ZBTB20: variants seen among roughly 807,000 people sequenced by gnomAD.
ZBTB20 encodes zinc finger and BTB domain containing 20.
ZBTB20 carries 9 observed loss-of-function variants against 56.9 expected under a neutral mutation model. That is an observed-to-expected ratio of 0.16 (90% CI 0.10 to 0.28). ZBTB20 has a LOEUF of 0.28. Among genes scored for constraint, ZBTB20 ranks in the 10% least tolerant of loss-of-function variants. ZBTB20 has a pLI of 1.00. For synonymous variants in ZBTB20, 417 were observed against 420.7 expected, an observed-to-expected ratio of 0.99 and a Z score of 0.11; for missense variants, 655 against 1,003.0, an observed-to-expected ratio of 0.65 and a Z score of 4.69.
At chr3:115,115,244 T>C (rs1380766341) in intron 1 of ZBTB20, among the ~76,000 whole-genome samples, 3 of 152,198 alleles carry the variant, frequency 2.0e-5, no homozygotes, top group Admixed American at 2.0e-4. Flanking sequence ...TGTGTAGAAG[T>C]AGTTCTGTAA....
Position 114,331,743 on chromosome 3 carries a change from G to A in ZBTB20, c.*7262C>T, listed in dbSNP as rs888552490. 3.3e-5 allele frequency: 5 copies of A among 152,142 alleles called. No individual in the cohort carries two copies. The highest frequency in any genetic ancestry group is 5.9e-5 in the Non-Finnish European group (4 of 68,030). The allele number at this position is 152,142 out of a possible 1,614,324, so 9.4% of individuals were successfully genotyped here. A position where few individuals can be genotyped will look rare whatever the true frequency, so the allele number is the denominator to read the frequency against. ...CTAAAGTCTCATCACAGATACTGAT[G>A]CACCCAACTAAGGCAACAAAGCATA... On this transcript the variant is annotated 3_prime_UTR_variant, in exon 12 of 12. Coordinates refer to ENST00000675478, the MANE Select transcript of ZBTB20 (RefSeq NM_001348800.3).
At chr3:114,843,377 A>T (rs941379724) in intron 4 of ZBTB20, among the ~76,000 whole-genome samples, 1 of 152,068 alleles carries the variant, frequency 6.6e-6, no homozygotes, top group African/African-American at 2.4e-5. Context: ...ATTTTTCAGG[A>T]CTCTAAGTTA....
intron 4 of ZBTB20, among the ~76,000 whole-genome samples, chr3:114,839,468 A>AAAGAAAGAAAGAAAGAAAGAAAGAAAGG: frequency 6.6e-6 from 1 of 150,558 alleles, no homozygotes; most frequent in African/African-American, 2.4e-5. Context: ...AGAAAGAAAG[A>AAAGAAAGAAAGAAAGAAAGAAAGAAAGG]GAGAGAGAAA....
intron 2 of ZBTB20, among the ~76,000 whole-genome samples, chr3:115,022,895 A>G (rs2080263821): frequency 6.6e-6 from 1 of 151,012 alleles, no homozygotes; most frequent in Admixed American, 6.6e-5. Flanking sequence ...TGGATATCTG[A>G]TATGTATTTT....
intron 3 of ZBTB20, among the ~76,000 whole-genome samples, chr3:114,933,918 A>C (rs1454263557): frequency 6.6e-6 from 1 of 152,164 alleles, no homozygotes; most frequent in Non-Finnish European, 1.5e-5. Context: ...TCCCAATGAG[A>C]AAATAAAGGT....
chr3:114,731,047 A>G (rs1352658883), intron 5 of ZBTB20, among the ~76,000 whole-genome samples: 1 of 152,082 alleles, frequency 6.6e-6, no homozygotes, highest in African/African-American at 2.4e-5. Context: ...TTTCATATTG[A>G]CTTGAGTATT....
intron 2 of ZBTB20, among the ~76,000 whole-genome samples, chr3:114,981,567 T>C (rs2078329444): frequency 6.6e-6 from 1 of 152,050 alleles, no homozygotes; most frequent in Non-Finnish European, 1.5e-5. Context: ...GATTAACAGA[T>C]AATAGCAAAT....
rs529960451 is a variant in ZBTB20, at chr3:114,566,914, T to G, written c.-294-66523A>C. Among the ~76,000 whole-genome samples the G allele has an allele frequency of 3.9e-5, 6 of 152,332 alleles. No homozygotes were observed. The South Asian group carries it at 1.0e-3, about 26-fold the overall frequency. ...ATTTTAAGCTAATGATAATGGTTAG[T>G]GCTGAGAACAGATGTACCTGGCTGT... On this transcript the variant is annotated intron_variant, in intron 6 of 11. Transcript: ENST00000675478.
intron 2 of ZBTB20, among the ~76,000 whole-genome samples, chr3:115,044,565 TG>T (rs2081268460): frequency 6.6e-6 from 1 of 152,224 alleles, no homozygotes. Context: ...TTGCAAAAAA[TG>T]AAATTGGTTA....
chr3:114,353,279 G>T (rs1312255829), intron 10 of ZBTB20, among the ~76,000 whole-genome samples: 1 of 152,180 alleles, frequency 6.6e-6, no homozygotes, highest in Non-Finnish European at 1.5e-5. Context: ...GTAACAGCCT[G>T]CAGATAGGAA....
rs1470283658 is a variant in ZBTB20, at chr3:114,335,748, T to C, written c.*3257A>G. On this transcript the variant is annotated 3_prime_UTR_variant, in exon 12 of 12. Coordinates refer to ENST00000675478, the MANE Select transcript of ZBTB20 (RefSeq NM_001348800.3). ...CAAACCTGGCTGGTCCATTTTGTCA[T>C]GGACTACAATGATTATATCACCTCA... The C allele has an allele frequency of 6.6e-6, 1 of 152,210 alleles. No homozygotes were observed. 9.4% of individuals were successfully genotyped at this position (152,210 alleles called of 1,614,324 possible).
rs79741113 is a variant in ZBTB20, at chr3:115,055,116, T to C, written c.-507+16103A>G. ...TTCTTTCTATTATCACTAATATATATAGCCATAGAGTAATTTTAACTTACA... is the reference window on the plus strand; with the variant it reads ...TTCTTTCTATTATCACTAATATATACAGCCATAGAGTAATTTTAACTTACA... On this transcript the variant is annotated intron_variant, in intron 2 of 11. Transcript: ENST00000675478. Among the ~76,000 whole-genome samples the C allele has an allele frequency of 3.9e-3, 594 of 151,928 alleles. 4 individuals carry two copies. Among genetic ancestry groups the C allele is most frequent in the African/African-American group, 0.013 (553 of 41,456 alleles).
chr3:115,078,595 A>ATGTGTGTGTGTGTG (rs10662256), intron 1 of ZBTB20, among the ~76,000 whole-genome samples: 158 of 130,600 alleles, frequency 1.2e-3, no homozygotes, highest in African/African-American at 4.3e-3. Flanking sequence ...CAGTAAGAAT[A>ATGTGTGTGTGTGTG]TGTGTGTGTG....
At chr3:114,646,854 T>C (rs2059869117) in intron 6 of ZBTB20, among the ~76,000 whole-genome samples, 1 of 152,216 alleles carries the variant, frequency 6.6e-6, no homozygotes, top group Admixed American at 6.5e-5. Context: ...GTTTAAGAGT[T>C]ACCTTTTGAA....
Position 114,439,346 on chromosome 3 carries a change from T to TA in ZBTB20, c.-254-50242dup, listed in dbSNP as rs530919528. Reference sequence around the variant, plus strand: ...AATTACCACAATAACTCTTTTCAGTTAGAGAAAAAATAGCAGAAACAGAAG... The same window carrying TA: ...AATTACCACAATAACTCTTTTCAGTTAAGAGAAAAAATAGCAGAAACAGAAG... On this transcript the variant is annotated intron_variant, in intron 7 of 11. Transcript: ENST00000675478. Among the ~76,000 whole-genome samples, 68 of 152,114 alleles carry TA rather than the reference T, an allele frequency of 4.5e-4. 1 individual carries two copies. Among genetic ancestry groups the TA allele is most frequent in the African/African-American group, 1.5e-3 (62 of 41,504 alleles).
chr3:114,420,196 A>G (rs2089006754), intron 7 of ZBTB20, among the ~76,000 whole-genome samples: 1 of 152,154 alleles, frequency 6.6e-6, no homozygotes, highest in African/African-American at 2.4e-5. Flanking sequence ...TATAGCAATT[A>G]GCATCTCTAT....
intron 4 of ZBTB20, among the ~76,000 whole-genome samples, chr3:114,884,073 C>T (rs1474071652): frequency 1.3e-5 from 2 of 149,380 alleles, no homozygotes; most frequent in Admixed American, 1.3e-4. Context: ...CTACAGGCGC[C>T]CGCCACTACG....
intron 6 of ZBTB20, among the ~76,000 whole-genome samples, chr3:114,541,140 G>C (rs1013060086): frequency 6.6e-6 from 1 of 151,834 alleles, no homozygotes; most frequent in Non-Finnish European, 1.5e-5. Context: ...GATTATTTTA[G>C]CAAAAAATAA....
chr3:114,339,568 T>C lies in ZBTB20; in HGVS notation c.1805-142A>G. The C allele has an allele frequency of 9.4e-7, 1 of 1,061,260 alleles. No homozygotes were observed. Among genetic ancestry groups the C allele is most frequent in the South Asian group, 1.8e-5 (1 of 56,524 alleles). 65.7% of individuals were successfully genotyped at this position (1,061,260 alleles called of 1,614,324 possible). On this transcript the variant is annotated intron_variant, in intron 11 of 11. Coordinates refer to ENST00000675478, the MANE Select transcript of ZBTB20 (RefSeq NM_001348800.3). This position sits in a 1 kb window ranked among gnomAD's most constrained non-coding sequence, Gnocchi z 4.2. ...AATTTGATTGCTTAATGGATCATCC[T>C]CGTTTGGAAAAATCCAGGCCCTCCT... is the stretch of plus-strand genomic sequence containing the variant.
Sources: gnomAD v4.1 joint callset for allele counts (sites outside exome capture counted in the v4.1 genomes callset) on GRCh38, gnomAD v4.1.1 for gene constraint, Gnocchi (gnomAD v3.1) non-coding constraint, MANE v1.5 for transcripts, NCBI Gene and HGNC (gene_info 2026-07-23, HGNC 2026-07-21) for gene names.